The following FGF14 variants were observed in gnomAD, a reference collection of about 807,000 sequenced individuals.
FGF14 encodes fibroblast growth factor 14.
In FGF14, 5 loss-of-function variants were observed where a neutral mutation model predicts 25.5. That is an observed-to-expected ratio of 0.20 (90% CI 0.10 to 0.41). The LOEUF (loss-of-function observed/expected upper bound fraction) is 0.41. Ranked by LOEUF, FGF14 falls within the 10% of genes least tolerant of loss-of-function variation. The pLI is 1.00. For missense variants in FGF14, 222 were observed against 320.1 expected, an observed-to-expected ratio of 0.69 and a Z score of 2.34; for synonymous variants, 138 against 118.3, an observed-to-expected ratio of 1.17 and a Z score of -1.08.
intron 3 of FGF14, among the ~76,000 whole-genome samples, chr13:101,824,555 G>A (rs1343997926): frequency 6.6e-6 from 1 of 152,138 alleles, no homozygotes; most frequent in East Asian, 1.9e-4. Context: ...CTAAAATGAA[G>A]AATTGAGATA....
At chr13:102,112,856 A>G (rs1364680802) in intron 1 of FGF14, among the ~76,000 whole-genome samples, 3 of 152,212 alleles carry the variant, frequency 2.0e-5, no homozygotes, top group Admixed American at 6.5e-5. Flanking sequence ...AAGCTTGAGC[A>G]ATTTTCTCAT....
intron 1 of FGF14, among the ~76,000 whole-genome samples, chr13:102,103,554 A>G (rs2044759702): frequency 1.3e-5 from 2 of 152,038 alleles, no homozygotes; most frequent in South Asian, 4.1e-4. Flanking sequence ...TCCTCGTATT[A>G]ACAAGCCATT....
intron 1 of FGF14, among the ~76,000 whole-genome samples, chr13:102,299,217 C>T (rs1168284099): frequency 6.6e-6 from 1 of 152,072 alleles, no homozygotes; most frequent in Non-Finnish European, 1.5e-5. Context: ...TTCAGCTGTT[C>T]ACCGAAAACG....
chr13:102,263,249 G>T, intron 1 of FGF14: 1 of 378,534 alleles, frequency 2.6e-6, no homozygotes. Context: ...GCAGAGAAAG[G>T]ACGATTTATT....
At chr13:102,077,763 GACCCAGCAATCCC>G (rs2043429915) in intron 1 of FGF14, among the ~76,000 whole-genome samples, 1 of 152,148 alleles carries the variant, frequency 6.6e-6, no homozygotes, top group Non-Finnish European at 1.5e-5. Context: ...ACTATCACAT[GACCCAGCAATCCC>G]ACTACTGGGT....
intron 1 of FGF14, among the ~76,000 whole-genome samples, chr13:102,290,189 G>A (rs548726904): frequency 2.0e-5 from 3 of 152,190 alleles, no homozygotes; most frequent in South Asian, 2.1e-4. Context: ...TTTGGGAGGT[G>A]CTTAGGTCAT....
At chr13:101,846,047 C>T (rs779459472) in intron 3 of FGF14, among the ~76,000 whole-genome samples, 4 of 151,930 alleles carry the variant, frequency 2.6e-5, no homozygotes, top group Admixed American at 6.6e-5. Flanking sequence ...TTGAGTCTAA[C>T]GTATTTGCCA....
At chr13:101,869,227 G>C (rs1019541410) in intron 2 of FGF14, among the ~76,000 whole-genome samples, 2 of 152,192 alleles carry the variant, frequency 1.3e-5, no homozygotes, top group African/African-American at 4.8e-5. Context: ...CAGAAGGTGT[G>C]ATTTGTCATT....
At chr13:102,344,559 T>C (rs1340768586) in intron 1 of FGF14, among the ~76,000 whole-genome samples, 2 of 152,240 alleles carry the variant, frequency 1.3e-5, no homozygotes, top group African/African-American at 4.8e-5. Flanking sequence ...TGCTCTCATA[T>C]CCTGTTTGAT....
chr13:102,142,679 T>A (rs879645152), intron 1 of FGF14, among the ~76,000 whole-genome samples: 1 of 152,190 alleles, frequency 6.6e-6, no homozygotes, highest in African/African-American at 2.4e-5. Context: ...GAAAATGCTG[T>A]CGCAAATTGG....
intron 1 of FGF14, among the ~76,000 whole-genome samples, chr13:101,953,581 T>TATATATATATAC (rs1474604305): frequency 5.1e-4 from 77 of 149,880 alleles, no homozygotes; most frequent in Non-Finnish European, 8.9e-4. Flanking sequence ...TATATATATA[T>TATATATATATAC]ATATATAATT....
intron 1 of FGF14, among the ~76,000 whole-genome samples, chr13:102,260,517 T>G (rs1228427372): frequency 6.6e-6 from 1 of 152,252 alleles, no homozygotes; most frequent in African/African-American, 2.4e-5. Context: ...GGCTCTGTTT[T>G]GATTTCCTCT....
intron 1 of FGF14, among the ~76,000 whole-genome samples, chr13:102,016,333 A>T (rs2040344428): frequency 6.6e-6 from 1 of 152,146 alleles, no homozygotes. Flanking sequence ...AAAGATTTTT[A>T]AAATTTTAAA....
chr13:102,275,264 C>CTT, intron 1 of FGF14, among the ~76,000 whole-genome samples: 1 of 142,288 alleles, frequency 7.0e-6, no homozygotes. Context: ...CTCTCTCTTT[C>CTT]TCTCTCTCTC....
chr13:101,991,599 G>A (rs1052130488), intron 1 of FGF14, among the ~76,000 whole-genome samples: 6 of 152,082 alleles, frequency 3.9e-5, no homozygotes, highest in Non-Finnish European at 7.4e-5. Context: ...ATCTATAAGG[G>A]AATTGAGATC....
chr13:101,778,540 G>A (rs1274375901), intron 3 of FGF14, among the ~76,000 whole-genome samples: 3 of 152,104 alleles, frequency 2.0e-5, no homozygotes, highest in Non-Finnish European at 4.4e-5. Flanking sequence ...GTGCTCCTTG[G>A]TACCTGTTTT....
intron 1 of FGF14, among the ~76,000 whole-genome samples, chr13:102,081,808 T>C (rs1467968345): frequency 6.6e-6 from 1 of 152,184 alleles, no homozygotes; most frequent in African/African-American, 2.4e-5. Context: ...GGTAGTGTTA[T>C]GCAGACGTCT....
intron 1 of FGF14, among the ~76,000 whole-genome samples, chr13:102,191,102 T>C (rs1184965641): frequency 6.6e-6 from 1 of 152,190 alleles, no homozygotes; most frequent in Non-Finnish European, 1.5e-5. Flanking sequence ...CCTCTACTAG[T>C]AGGGCTTGTC....
intron 1 of FGF14, among the ~76,000 whole-genome samples, chr13:102,161,613 GAAGAAGAAGAAGAAGAA>G: frequency 3.0e-4 from 1 of 3,334 alleles, no homozygotes; most frequent in Non-Finnish European, 5.1e-4. Flanking sequence ...AGAAGAAGAA[GAAGAAGAAGAAGAAGAA>G]GAAGAAGAAG....
Sources: gnomAD v4.1 joint callset for allele counts (sites outside exome capture counted in the v4.1 genomes callset) on GRCh38, gnomAD v4.1.1 for gene constraint, MANE v1.5 for transcripts, NCBI Gene and HGNC (gene_info 2026-07-23, HGNC 2026-07-21) for gene names.